Variants in CRACD observed in about 807,000 individuals in gnomAD.
CRACD encodes the protein capping protein inhibiting regulator of actin dynamics.
CRACD carries 56 observed loss-of-function variants against 106.8 expected under a neutral mutation model. The observed-to-expected ratio is 0.52, with a 90% CI of 0.42 to 0.66. The LOEUF is 0.66. Among genes scored for constraint, CRACD ranks in the 30% least tolerant of loss-of-function variants. The pLI, the probability that CRACD is intolerant of heterozygous loss-of-function variation, is 0.00. For synonymous variants in CRACD, 754 were observed against 670.8 expected (o/e 1.12, Z -1.92); for missense variants, 1,730 against 1,623.2 (o/e 1.07, Z -1.13).
chr4:56,301,999 G>T (rs1351634523), intron 4 of CRACD, among the ~76,000 whole-genome samples: 1 of 152,170 alleles, frequency 6.6e-6, no homozygotes, highest in Non-Finnish European at 1.5e-5. Context: ...TCTGTGGCCA[G>T]TAGTGTGAAT....
intron 1 of CRACD, among the ~76,000 whole-genome samples, chr4:56,160,453 G>C (rs866201429): frequency 1.3e-5 from 2 of 152,066 alleles, no homozygotes; most frequent in Non-Finnish European, 2.9e-5. Flanking sequence ...CAAAATGCTG[G>C]GATTACAGGT....
intron 1 of CRACD, among the ~76,000 whole-genome samples, chr4:56,106,763 T>C (rs1026481788): frequency 1.3e-5 from 2 of 152,228 alleles, no homozygotes; most frequent in African/African-American, 4.8e-5. Context: ...GGCTATTTAA[T>C]GAACACCATT....
At chr4:56,113,820 C>A (rs575094699) in intron 1 of CRACD, among the ~76,000 whole-genome samples, 2 of 152,062 alleles carry the variant, frequency 1.3e-5, no homozygotes, top group Admixed American at 1.3e-4. Flanking sequence ...GATTAGAATT[C>A]GCACAAAAAG....
rs545283955 is a variant in CRACD, at chr4:56,195,317, T to C, written c.-189+15887T>C. ...AGATGCGTCAATTTTCATGGCAAAA[T>C]ATTGTAAGAAATAGCTGTAAAAGCT... On this transcript the variant is annotated intron_variant, in intron 2 of 10. Transcript: ENST00000682029. Among the ~76,000 whole-genome samples the C allele has an allele frequency of 3.9e-5, 6 of 152,108 alleles. No individual in the cohort carries two copies. The South Asian group carries it at 1.2e-3, about 32-fold the overall frequency.
chr4:56,315,316 G>A lies in CRACD; in HGVS notation c.1814G>A (p.Gly605Asp), dbSNP rs1292543974. ...CTGGTCACGGGCGCGCAGCTCTGTG[G>A]CCCGGCAGTCAACCTGAGCCAGATC... ...AILVTGAQLC[G>D]PAVNLSQIKD... Residue 605 changes from glycine to aspartate, a missense_variant, in exon 8 of 11, where the codon GGC (glycine) becomes GAC (aspartate). By Grantham distance (94) the Gly-to-Asp change is moderately conservative. This residue lies in a region of CRACD where 1,620 missense variants were observed against 1,481.6 expected (regional missense o/e 1.09). Transcript: ENST00000682029. The surrounding 1 kb of genome is among the most constrained non-coding windows in gnomAD (Gnocchi z 4.1). 11 of 1,613,764 alleles carry A rather than the reference G, an allele frequency of 6.8e-6. No homozygotes were observed. The highest frequency in any genetic ancestry group is 8.5e-6 in the Non-Finnish European group (10 of 1,179,976).
chr4:56,297,963 T>C (rs571198992), intron 3 of CRACD: 4 of 331,088 alleles, frequency 1.2e-5, no homozygotes, highest in Admixed American at 4.1e-5. Flanking sequence ...TCTTGGATCC[T>C]ATACAAATAA....
chr4:56,226,625 A>G (rs980780144), intron 2 of CRACD, among the ~76,000 whole-genome samples: 1 of 152,140 alleles, frequency 6.6e-6, no homozygotes, highest in South Asian at 2.1e-4. Flanking sequence ...CCCAAACCTC[A>G]TGTTGAAATT....
intron 1 of CRACD, among the ~76,000 whole-genome samples, chr4:56,129,310 C>A (rs1734751992): frequency 6.6e-6 from 1 of 152,176 alleles, no homozygotes; most frequent in Admixed American, 6.5e-5. Flanking sequence ...TCAAGTGATC[C>A]TCTTGTCTCA....
intron 2 of CRACD, among the ~76,000 whole-genome samples, chr4:56,249,489 G>T (rs1031641198): frequency 6.6e-6 from 1 of 151,472 alleles, no homozygotes; most frequent in African/African-American, 2.4e-5. Flanking sequence ...TTTGTCAGAT[G>T]AGTAGGTTGC....
At chr4:56,198,554 A>G (rs182498611) in intron 2 of CRACD, among the ~76,000 whole-genome samples, 8 of 152,220 alleles carry the variant, frequency 5.3e-5, no homozygotes, top group Non-Finnish European at 8.8e-5. Flanking sequence ...AAGTAGAAGC[A>G]TAAAACCCAG....
At position 56,179,297 on chromosome 4, in the gene CRACD, TG is replaced by T. The variant is rs1466318938; in HGVS notation, c.-321del. 1 of 152,028 alleles carries T rather than the reference TG, an allele frequency of 6.6e-6. No homozygotes were observed. The highest frequency in any genetic ancestry group is 2.4e-5 in the African/African-American group (1 of 41,370). The allele number at this position is 152,028 out of a possible 1,614,324, so 9.4% of individuals were successfully genotyped here. A position where few individuals can be genotyped will look rare whatever the true frequency, so the allele number is the denominator to read the frequency against. The stretch of plus-strand genomic sequence containing the variant: ...TTTTCTCAACAGCTTACAAGAGCAG[TG>T]ATTCCCAGGCTTTCTCAGCAATGTA... On this transcript the variant is annotated 5_prime_UTR_variant, in exon 2 of 11. It removes the in-frame stop codon of an upstream open reading frame in the 5' UTR. Coordinates refer to ENST00000682029, the MANE Select transcript of CRACD (RefSeq NM_001393381.1).
At chr4:56,235,488 A>T (rs540018660) in intron 2 of CRACD, among the ~76,000 whole-genome samples, 1 of 152,334 alleles carries the variant, frequency 6.6e-6, no homozygotes, top group South Asian at 2.1e-4. Flanking sequence ...AAGTTTTTTG[A>T]GTAGTTGAAT....
intron 3 of CRACD, among the ~76,000 whole-genome samples, chr4:56,274,858 A>G (rs931724477): frequency 3.9e-5 from 6 of 152,244 alleles, no homozygotes; most frequent in African/African-American, 1.4e-4. Context: ...ACTGTTCACA[A>G]TAGCAAAGAC....
chr4:56,249,260 T>C (rs1294264964), intron 2 of CRACD, among the ~76,000 whole-genome samples: 12 of 148,038 alleles, frequency 8.1e-5, no homozygotes, highest in East Asian at 2.0e-4. Context: ...TTTTAATGAT[T>C]GCCATTCTAA....
At chr4:56,219,439 C>G (rs1738913892) in intron 2 of CRACD, among the ~76,000 whole-genome samples, 1 of 152,176 alleles carries the variant, frequency 6.6e-6, no homozygotes, top group Non-Finnish European at 1.5e-5. Context: ...CCTCTGCCTC[C>G]TGGATTGAAG....
In CRACD at chr4:56,329,509, T is replaced by G. The variant is rs766451283; in HGVS notation, c.*1705T>G. Among the ~76,000 whole-genome samples the G allele has an allele frequency of 7.2e-5, 11 of 152,206 alleles. No homozygotes were observed. The highest frequency in any genetic ancestry group is 1.2e-4 in the Non-Finnish European group (8 of 68,036). ...TCACTGTAGCAGCTGGCATGTGTGG[T>G]CAAGTGGATAGTTGTACTCTTGCAA... On this transcript the variant is annotated 3_prime_UTR_variant, in exon 11 of 11. Coordinates refer to ENST00000682029, the MANE Select transcript of CRACD (RefSeq NM_001393381.1).
At chr4:56,190,811 C>A (rs973222724) in intron 2 of CRACD, among the ~76,000 whole-genome samples, 1 of 152,136 alleles carries the variant, frequency 6.6e-6, no homozygotes, top group Non-Finnish European at 1.5e-5. Context: ...AGTGGGGATT[C>A]TGTGTGGGGG....
intron 2 of CRACD, among the ~76,000 whole-genome samples, chr4:56,260,087 G>C (rs1741604146): frequency 1.3e-5 from 2 of 152,178 alleles, no homozygotes. Context: ...ATAGCTATAA[G>C]GATCTGCCAT....
In CRACD at chr4:56,315,548, C is replaced by T. The variant is rs200506105; in HGVS notation, c.2046C>T (p.Asp682=). 3.1e-6 allele frequency: 5 copies of T among 1,614,102 alleles called. No homozygotes were observed. The highest frequency in any genetic ancestry group is 4.2e-6 in the Non-Finnish European group (5 of 1,180,032). ...GAATCCTGAAGAACGCAGAGAGTGA[C>T]CCGCGCAGCAGCGAGAGGGACCAGT... ...RSRILKNAES[D]PRSSERDQLR... Residue 682 remains aspartate, a synonymous_variant, in exon 8 of 11, where the codon GAC becomes GAT. Transcript: ENST00000682029. The surrounding 1 kb of genome is among the most constrained non-coding windows in gnomAD (Gnocchi z 4.1).
Sources: allele counts gnomAD v4.1 joint callset (sites outside exome capture counted in the v4.1 genomes callset), GRCh38; gene constraint gnomAD v4.1.1; regional missense constraint gnomAD v4.1.1; non-coding constraint Gnocchi (gnomAD v3.1); transcripts MANE v1.5; gene names NCBI Gene and HGNC (gene_info 2026-07-23, HGNC 2026-07-21).